Variants in CNTNAP4 observed in about 807,000 individuals in gnomAD.
CNTNAP4 encodes contactin-associated protein-like 4.
In CNTNAP4, 98 loss-of-function variants were observed where a neutral mutation model predicts 148.4. The observed-to-expected ratio is 0.66, with a 90% confidence interval of 0.56 to 0.78. The LOEUF is 0.78. CNTNAP4 is among the 30% of genes least tolerant of loss of function. The pLI is 0.00. For synonymous variants in CNTNAP4, 730 were observed against 565.1 expected (o/e 1.29, Z -4.14); for missense variants, 1,935 against 1,565.6 (o/e 1.24, Z -3.98).
At chr16:76,508,556 C>A (rs571189250) in intron 15 of CNTNAP4, among the ~76,000 whole-genome samples, 1 of 89,722 alleles carries the variant, frequency 1.1e-5, no homozygotes. Context: ...TTTTTTATTA[C>A]CAACCAATAA....
intron 2 of CNTNAP4, among the ~76,000 whole-genome samples, chr16:76,318,385 G>C (rs1962035933): frequency 6.6e-6 from 1 of 151,762 alleles, no homozygotes; most frequent in Non-Finnish European, 1.5e-5. Context: ...TACTCATCAG[G>C]AGTCTCCATC....
intron 1 of CNTNAP4, among the ~76,000 whole-genome samples, chr16:76,289,299 A>G (rs555285101): frequency 3.3e-5 from 5 of 152,338 alleles, no homozygotes; most frequent in African/African-American, 1.2e-4. Flanking sequence ...CATTATGAGA[A>G]GAAATTTTCA....
chr16:76,290,493 A>G (rs1262987182), intron 1 of CNTNAP4, among the ~76,000 whole-genome samples: 1 of 152,176 alleles, frequency 6.6e-6, no homozygotes, highest in Admixed American at 6.5e-5. Context: ...TCGCTCATGT[A>G]GATAACTAAC....
intron 3 of CNTNAP4, among the ~76,000 whole-genome samples, chr16:76,408,381 C>CAATTAACAGTTGTTAATCTATTAAA (rs2078677601): frequency 6.8e-6 from 1 of 146,222 alleles, no homozygotes. Flanking sequence ...AATCTATTAA[C>CAATTAACAGTTGTTAATCTATTAAA]AATTAACAGT....
At chr16:76,385,574 G>A (rs1332005004) in intron 3 of CNTNAP4, among the ~76,000 whole-genome samples, 1 of 149,924 alleles carries the variant, frequency 6.7e-6, no homozygotes, top group East Asian at 1.9e-4. Flanking sequence ...GTGTGTGTGT[G>A]TGTAGAGAGA....
intron 1 of CNTNAP4, among the ~76,000 whole-genome samples, chr16:76,279,634 C>G (rs544923557): frequency 6.6e-6 from 1 of 152,076 alleles, no homozygotes; most frequent in Non-Finnish European, 1.5e-5. Context: ...AAAACCTATA[C>G]GATTTTTCAT....
chr16:76,362,786 C>G (rs937730624), intron 3 of CNTNAP4, among the ~76,000 whole-genome samples: 1 of 152,190 alleles, frequency 6.6e-6, no homozygotes, highest in African/African-American at 2.4e-5. Flanking sequence ...GATCAAAAAA[C>G]TACCTGTGAG....
chr16:76,292,837 A>G (rs946398713), intron 1 of CNTNAP4, among the ~76,000 whole-genome samples: 1 of 152,238 alleles, frequency 6.6e-6, no homozygotes, highest in Non-Finnish European at 1.5e-5. Flanking sequence ...TGAAAAAGAA[A>G]ACACTTCAGA....
Position 76,424,410 on chromosome 16 carries a change from G to A in CNTNAP4, c.391-3042G>A, listed in dbSNP as rs116598228. On this transcript the variant is annotated intron_variant, in intron 3 of 23. Coordinates refer to ENST00000611870, the MANE Select transcript of CNTNAP4 (RefSeq NM_033401.5). ...GAATCAAAAGTATAAGAAGATCTAA[G>A]ATCCTCAACCAAAGCTGCACATTAC... Among the ~76,000 whole-genome samples the A allele has an allele frequency of 6.7e-3, 1,018 of 152,216 alleles. 7 individuals carry two copies. Among genetic ancestry groups the A allele is most frequent in the African/African-American group, 0.023 (962 of 41,526 alleles).
intron 3 of CNTNAP4, among the ~76,000 whole-genome samples, chr16:76,362,673 A>G (rs893134640): frequency 6.6e-6 from 1 of 152,230 alleles, no homozygotes; most frequent in Non-Finnish European, 1.5e-5. Flanking sequence ...CAAATACTGC[A>G]TGTTCTCACT....
At chr16:76,414,816 C>T (rs1466517867) in intron 3 of CNTNAP4, among the ~76,000 whole-genome samples, 1 of 151,294 alleles carries the variant, frequency 6.6e-6, no homozygotes, top group African/African-American at 2.4e-5. Context: ...ATATCATTAT[C>T]ACTCTAATGT....
intron 21 of CNTNAP4, 69 bp downstream of exon 21, chr16:76,540,859 C>A (rs1246593239): frequency 4.9e-6 from 5 of 1,030,272 alleles, no homozygotes; most frequent in South Asian, 2.8e-5. Context: ...TCAGAAAAGT[C>A]ATATTACACA....
chr16:76,395,497 C>A (rs925457733), intron 3 of CNTNAP4, among the ~76,000 whole-genome samples: 1 of 152,032 alleles, frequency 6.6e-6, no homozygotes, highest in South Asian at 2.1e-4. Flanking sequence ...AACTCCTGAC[C>A]TTGTGATCCA....
At position 76,365,694 on chromosome 16, in the gene CNTNAP4, G is replaced by A. The variant is rs140993780; in HGVS notation, c.390+10183G>A. 3.5e-3 allele frequency among the ~76,000 whole-genome samples: 514 copies of A among 148,796 alleles called. 2 individuals are homozygous for A. The highest frequency in any genetic ancestry group is 0.012 in the African/African-American group (485 of 40,232). On this transcript the variant is annotated intron_variant, in intron 3 of 23. Transcript: ENST00000611870. ...TTGAACCTGGGAGACTGAGGTTGCA[G>A]TGAGCTGAGATCACGCCACTGCACT... is the stretch of plus-strand genomic sequence containing the variant.
At chr16:76,444,278 A>G (rs1288214442) in intron 4 of CNTNAP4, among the ~76,000 whole-genome samples, 2 of 152,208 alleles carry the variant, frequency 1.3e-5, no homozygotes, top group South Asian at 2.1e-4. Flanking sequence ...TTAACTTTAT[A>G]GAATCTGGCC....
At chr16:76,362,348 A>G (rs536207605) in intron 3 of CNTNAP4, among the ~76,000 whole-genome samples, 3 of 152,212 alleles carry the variant, frequency 2.0e-5, no homozygotes, top group Non-Finnish European at 2.9e-5. Flanking sequence ...TATAGATTCA[A>G]TGCAATCCCT....
intron 1 of CNTNAP4, among the ~76,000 whole-genome samples, chr16:76,305,048 G>C (rs140076541): frequency 7.2e-4 from 109 of 152,258 alleles, no homozygotes; most frequent in African/African-American, 2.4e-3. Flanking sequence ...TTTGTGTACA[G>C]GTTTTTGTGT....
rs577927640 is a variant in CNTNAP4 at position 76,419,188 on chromosome 16, T to C, written c.391-8264T>C. On this transcript the variant is annotated intron_variant, in intron 3 of 23. Coordinates refer to ENST00000611870, the MANE Select transcript of CNTNAP4 (RefSeq NM_033401.5). ...GCCAGCTACTGTCTTTCCTGGCTAC[T>C]AGGTTTCCAATCTATTTCTGTGACG... Among the ~76,000 whole-genome samples, 3 of 152,138 alleles carry C rather than the reference T, an allele frequency of 2.0e-5. No homozygotes were observed. In the East Asian group the frequency reaches 5.8e-4, roughly 29 times the overall value.
chr16:76,522,714 T>TC (rs1267016325), intron 17 of CNTNAP4, among the ~76,000 whole-genome samples: 2,510 of 39,882 alleles, frequency 0.063, 328 homozygotes, highest in Middle Eastern at 0.081. Context: ...TTCTTTTCTT[T>TC]TCTTTTCTTT....
Sources: gnomAD v4.1 joint callset for allele counts (sites outside exome capture counted in the v4.1 genomes callset) on GRCh38, gnomAD v4.1.1 for gene constraint, MANE v1.5 for transcripts, NCBI Gene and HGNC (gene_info 2026-07-23, HGNC 2026-07-21) for gene names.